NETO1: variants seen among roughly 807,000 people sequenced by gnomAD.
NETO1 encodes the protein neuropilin and tolloid-like protein 1.
In NETO1, 26 loss-of-function variants were observed where a neutral mutation model predicts 61.3. That is an observed-to-expected ratio of 0.42 (90% confidence interval 0.31 to 0.59). The LOEUF is 0.59. Among genes scored for constraint, NETO1 ranks in the 20% least tolerant of loss-of-function variants. The pLI, the probability that NETO1 is intolerant of heterozygous loss-of-function variation, is 0.12. For synonymous variants in NETO1, 225 were observed against 225.8 expected (o/e 1.00, Z 0.03); for missense variants, 531 against 662.8 (o/e 0.80, Z 2.18).
At position 72,756,103 on chromosome 18, in the gene NETO1, T is replaced by C; in HGVS notation, c.913A>G (p.Ile305Val). 6.2e-7 allele frequency: 1 copy of C among 1,610,180 alleles called. No individual in the cohort carries two copies. The highest frequency in any genetic ancestry group is 8.5e-7 in the Non-Finnish European group (1 of 1,176,858). ...CCATTGCAGACCAAAGTATTATTAA[T>C]ACACATGTTACTATGGCAGAAGAAT... ...NTFFCHSNMCINNTLVCNGLQ... is the reference protein window; with the variant it reads ...NTFFCHSNMCVNNTLVCNGLQ... Residue 305 changes from isoleucine to valine, a missense_variant, in exon 8 of 11, where the codon ATT becomes GTT. Ile to Val is a conservative substitution (Grantham distance 29, BLOSUM62 3). Coordinates refer to ENST00000327305, the MANE Select transcript of NETO1 (RefSeq NM_138966.5).
At chr18:72,834,954 A>C in intron 4 of NETO1, 1 of 768,042 alleles carries the variant, frequency 1.3e-6, no homozygotes, top group Non-Finnish European at 1.6e-6. Flanking sequence ...ATATTACATA[A>C]AACAATATAA....
At chr18:72,866,693 A>G in intron 1 of NETO1, 1 of 983,574 alleles carries the variant, frequency 1.0e-6, no homozygotes, top group East Asian at 1.1e-4. Flanking sequence ...GACTCGTGAT[A>G]CTATTTTCCT....
chr18:72,782,986 TAC>T (rs1321989776), intron 7 of NETO1, among the ~76,000 whole-genome samples: 1 of 152,188 alleles, frequency 6.6e-6, no homozygotes, highest in Non-Finnish European at 1.5e-5. Context: ...TGTCACAAGG[TAC>T]TTATTTCTTA....
chr18:72,783,562 A>G (rs1300736048), intron 7 of NETO1, 116 bp downstream of exon 7: 1 of 795,138 alleles, frequency 1.3e-6, no homozygotes, highest in Non-Finnish European at 2.1e-6. Context: ...TTTAAACAAC[A>G]TATTAGAGAA....
intron 4 of NETO1, among the ~76,000 whole-genome samples, chr18:72,843,879 A>G (rs533530058): frequency 6.6e-6 from 1 of 152,340 alleles, no homozygotes; most frequent in East Asian, 1.9e-4. Flanking sequence ...AAAATACACA[A>G]CACCGTGTTC....
chr18:72,800,240 G>C (rs2072460593), intron 4 of NETO1, among the ~76,000 whole-genome samples: 1 of 152,220 alleles, frequency 6.6e-6, no homozygotes, highest in African/African-American at 2.4e-5. Flanking sequence ...AGGATCAAAT[G>C]CCTGATATTG....
chr18:72,798,712 T>C (rs1004666687), intron 4 of NETO1, among the ~76,000 whole-genome samples: 2 of 152,136 alleles, frequency 1.3e-5, no homozygotes, highest in Non-Finnish European at 2.9e-5. Context: ...AAAAATCAAA[T>C]GTCATCGGAG....
At chr18:72,805,749 T>C (rs1440950998) in intron 4 of NETO1, among the ~76,000 whole-genome samples, 1 of 152,214 alleles carries the variant, frequency 6.6e-6, no homozygotes, top group Non-Finnish European at 1.5e-5. Flanking sequence ...ACTGGGCCTG[T>C]CTGGACTCTC....
intron 4 of NETO1, among the ~76,000 whole-genome samples, chr18:72,836,764 A>G (rs1248010744): frequency 1.3e-5 from 2 of 152,182 alleles, no homozygotes; most frequent in Non-Finnish European, 2.9e-5. Context: ...ACGGTATACT[A>G]AGCTACTGAG....
chr18:72,774,411 T>C (rs1478833089), intron 7 of NETO1, among the ~76,000 whole-genome samples: 2 of 152,198 alleles, frequency 1.3e-5, no homozygotes, highest in Non-Finnish European at 2.9e-5. Context: ...ATGAATTATC[T>C]ATGTGTATTC....
In NETO1 at chr18:72,867,516, C is replaced by T; in HGVS notation, c.-225G>A. On this transcript the variant is annotated 5_prime_UTR_variant, in exon 1 of 11. Transcript: ENST00000327305. ...TCCGCCCCGGGCGGGCTCTCGCTCTCGCTGGCCCTCAGCGCCGCGCAGCCA... is the reference window on the plus strand; with the variant it reads ...TCCGCCCCGGGCGGGCTCTCGCTCTTGCTGGCCCTCAGCGCCGCGCAGCCA... The T allele has an allele frequency of 2.6e-6, 1 of 388,896 alleles. No individual in the cohort carries two copies. The highest frequency in any genetic ancestry group is 3.6e-5 in the East Asian group (1 of 27,466). 24.1% of individuals were successfully genotyped at this position (388,896 alleles called of 1,614,324 possible).
At chr18:72,816,311 A>G (rs919972627) in intron 4 of NETO1, among the ~76,000 whole-genome samples, 1 of 152,222 alleles carries the variant, frequency 6.6e-6, no homozygotes, top group Non-Finnish European at 1.5e-5. Context: ...GAAAAATCTT[A>G]GATATCCCAA....
intron 4 of NETO1, among the ~76,000 whole-genome samples, chr18:72,799,229 T>A (rs1243817987): frequency 6.6e-6 from 1 of 152,158 alleles, no homozygotes; most frequent in Non-Finnish European, 1.5e-5. Context: ...GATGAACTGA[T>A]GAAATGGCAG....
intron 4 of NETO1, among the ~76,000 whole-genome samples, chr18:72,822,321 C>T (rs2073224155): frequency 6.6e-6 from 1 of 152,154 alleles, no homozygotes; most frequent in Admixed American, 6.5e-5. Flanking sequence ...AGAAGCCTGA[C>T]TCCATATGGG....
intron 6 of NETO1, among the ~76,000 whole-genome samples, chr18:72,788,385 C>T (rs1246128121): frequency 1.3e-5 from 2 of 152,018 alleles, no homozygotes; most frequent in Admixed American, 6.6e-5. Context: ...ATTCCATTAT[C>T]CAGAAAACGT....
rs2073220280 is a variant in NETO1, at chr18:72,822,164, GA to G, written c.470-27761del. Among the ~76,000 whole-genome samples, 2 of 152,186 alleles carry G rather than the reference GA, an allele frequency of 1.3e-5. 1 individual carries two copies. Among genetic ancestry groups the G allele is most frequent in the South Asian group, 4.1e-4 (2 of 4,832 alleles). On this transcript the variant is annotated intron_variant, in intron 4 of 10. Coordinates refer to ENST00000327305, the MANE Select transcript of NETO1 (RefSeq NM_138966.5). Reference sequence around the variant, plus strand: ...CTGACTTTTCCTTACAGCTGTAGTGGAATTTGTGTGTGACCCACGGATACAG... The same window carrying G: ...CTGACTTTTCCTTACAGCTGTAGTGGATTTGTGTGTGACCCACGGATACAG...
At chr18:72,842,551 T>C (rs1170954826) in intron 4 of NETO1, among the ~76,000 whole-genome samples, 2 of 152,176 alleles carry the variant, frequency 1.3e-5, no homozygotes, top group Non-Finnish European at 2.9e-5. Context: ...GTATCAAAGA[T>C]GTTAAGAGCA....
chr18:72,865,717 C>T, intron 1 of NETO1: 7 of 1,523,500 alleles, frequency 4.6e-6, no homozygotes, highest in South Asian at 1.2e-5. Context: ...AAAATAAATA[C>T]TTAGACAAAT....
At chr18:72,784,420 G>A (rs939831028) in intron 6 of NETO1, among the ~76,000 whole-genome samples, 2 of 152,018 alleles carry the variant, frequency 1.3e-5, no homozygotes, top group East Asian at 1.9e-4. Context: ...TTTTTGAGTC[G>A]AAGTATAATT....
Sources: allele counts gnomAD v4.1 joint callset (sites outside exome capture counted in the v4.1 genomes callset), GRCh38; gene constraint gnomAD v4.1.1; transcripts MANE v1.5; gene names NCBI Gene and HGNC (gene_info 2026-07-23, HGNC 2026-07-21).